EXD2: variants seen among roughly 807,000 people sequenced by gnomAD.
The protein encoded by EXD2 is exonuclease 3'-5' domain containing 2, also known as exonuclease 3'-5' domain-containing protein 2.
Under a neutral mutation model 62.5 loss-of-function variants are expected in EXD2, and 40 were observed. The ratio of observed to expected loss-of-function variants is 0.64; its 90% CI spans 0.50 to 0.83. EXD2 has a LOEUF of 0.83. EXD2 is among the 40% of genes least tolerant of loss of function. The pLI is 0.00. For synonymous variants in EXD2, 239 were observed against 291.9 expected, an observed-to-expected ratio of 0.82 and a Z score of 1.85; for missense variants, 671 against 761.8, an observed-to-expected ratio of 0.88 and a Z score of 1.40.
chr14:69,237,957 G>A, intron 9 of EXD2, 26 bp downstream of exon 9: 4 of 1,522,524 alleles, frequency 2.6e-6, no homozygotes, highest in Non-Finnish European at 3.5e-6. Flanking sequence ...ATTGTGGAAT[G>A]TACCAGGGAC....
chr14:69,228,687 C>T, intron 3 of EXD2, 129 bp from the exon 4 acceptor site: 1 of 1,265,968 alleles, frequency 7.9e-7, no homozygotes, highest in Non-Finnish European at 1.1e-6. Context: ...TAGATGCAAA[C>T]CAAAACCTGG....
rs150618478 is a variant in EXD2 at position 69,226,386 on chromosome 14, T to C, written c.334-2430T>C. Among the ~76,000 whole-genome samples, 111 of 152,328 alleles carry C rather than the reference T, an allele frequency of 7.3e-4. 2 individuals carry two copies. In the East Asian group the frequency reaches 0.019, roughly 26 times the overall value. On this transcript the variant is annotated intron_variant, in intron 3 of 9. Transcript: ENST00000685843. ...AAAATAGCTCTCACTGATAAAGCAG[T>C]GCCTAAGAAGGAAGCGTAAGTCTTT... is the stretch of plus-strand genomic sequence containing the variant.
intron 1 of EXD2, among the ~76,000 whole-genome samples, chr14:69,195,803 A>G (rs2042185731): frequency 6.6e-6 from 1 of 152,178 alleles, no homozygotes. Context: ...TTAACTTAGG[A>G]TAATGTACTG....
chr14:69,208,236 A>G, intron 2 of EXD2, among the ~76,000 whole-genome samples: 1 of 95,770 alleles, frequency 1.0e-5, no homozygotes, highest in Non-Finnish European at 1.9e-5. Flanking sequence ...TTTGAGACGG[A>G]GTCTCACTCT....
rs1223282225 is a variant in EXD2, at chr14:69,243,103, CA to C, written c.*2005del. 1 of 152,222 alleles carries C rather than the reference CA, an allele frequency of 6.6e-6. No individual in the cohort carries two copies. The highest frequency in any genetic ancestry group is 6.5e-5 in the Admixed American group (1 of 15,280). 9.4% of individuals were successfully genotyped at this position (152,222 alleles called of 1,614,324 possible). On this transcript the variant is annotated 3_prime_UTR_variant, in exon 10 of 10. Transcript: ENST00000685843. ...GAGGAAAAAGCCAGACTGCGTCACA[CA>C]AGATTTCTCATCCTTTTCAGGAGAG...
intron 1 of EXD2, among the ~76,000 whole-genome samples, chr14:69,200,902 C>T (rs905170856): frequency 2.6e-4 from 39 of 151,836 alleles, no homozygotes; most frequent in African/African-American, 8.9e-4. Flanking sequence ...GGTAAAACCC[C>T]GTGTCTACTA....
At chr14:69,203,475 G>A (rs2042477150) in intron 1 of EXD2, among the ~76,000 whole-genome samples, 1 of 152,194 alleles carries the variant, frequency 6.6e-6, no homozygotes, top group African/African-American at 2.4e-5. Flanking sequence ...TATAAACCAG[G>A]TCACAGGAAG....
intron 9 of EXD2, among the ~76,000 whole-genome samples, chr14:69,238,923 T>A (rs963130104): frequency 6.6e-6 from 1 of 152,192 alleles, no homozygotes; most frequent in African/African-American, 2.4e-5. Flanking sequence ...CCACTGTGCC[T>A]GGCCCCAAAT....
At chr14:69,212,699 A>ATTTTCTT (rs747694470) in intron 3 of EXD2, among the ~76,000 whole-genome samples, 33 of 57,316 alleles carry the variant, frequency 5.8e-4, no homozygotes, top group Non-Finnish European at 9.0e-4. Context: ...ATGGTTCTTG[A>ATTTTCTT]TTTTTTTTTT....
intron 5 of EXD2, among the ~76,000 whole-genome samples, chr14:69,231,979 A>G (rs536374512): frequency 3.3e-5 from 5 of 151,342 alleles, no homozygotes; most frequent in African/African-American, 1.2e-4. Flanking sequence ...GTTTCTCCAC[A>G]GATGAATCTT....
intron 1 of EXD2, among the ~76,000 whole-genome samples, chr14:69,200,641 G>A (rs141563787): frequency 6.6e-6 from 1 of 151,964 alleles, no homozygotes; most frequent in African/African-American, 2.4e-5. Context: ...CTCAGGAGGT[G>A]GAGGTTGCAG....
In EXD2 at chr14:69,241,512, G is replaced by C. The variant is rs1039767956; in HGVS notation, c.*412G>C. 3.9e-6 allele frequency: 1 copy of C among 253,454 alleles called. No homozygotes were observed. Among genetic ancestry groups the C allele is most frequent in the African/African-American group, 2.2e-5 (1 of 45,026 alleles). The allele number at this position is 253,454 out of a possible 1,614,324, so 15.7% of individuals were successfully genotyped here. On this transcript the variant is annotated 3_prime_UTR_variant, in exon 10 of 10. Coordinates refer to ENST00000685843, the MANE Select transcript of EXD2 (RefSeq NM_001193360.2). ...AGGGGCTGTCCAGTATATCGGTCCT[G>C]TTAGGAGGGGAGAAAAAGTTCTTCC...
chr14:69,231,789 A>G (rs914897191), intron 5 of EXD2, among the ~76,000 whole-genome samples: 2 of 150,442 alleles, frequency 1.3e-5, no homozygotes, highest in African/African-American at 2.4e-5. Context: ...TCAGCCTGGA[A>G]TTCCCTTCAC....
intron 1 of EXD2, among the ~76,000 whole-genome samples, chr14:69,195,500 A>C (rs1326966088): frequency 6.6e-6 from 1 of 152,184 alleles, no homozygotes; most frequent in Non-Finnish European, 1.5e-5. Flanking sequence ...CGCAGCTCCA[A>C]ATCATTTTTT....
intron 3 of EXD2, among the ~76,000 whole-genome samples, chr14:69,212,712 T>C (rs1464736491): frequency 1.4e-5 from 2 of 143,956 alleles, no homozygotes; most frequent in African/African-American, 5.2e-5. Flanking sequence ...TTTTTTTTTT[T>C]TTTTTTTTTT....
Position 69,228,892 on chromosome 14 carries a change from G to T in EXD2, c.410G>T (p.Arg137Leu). The change falls in exon 4 of 10, where the codon CGC becomes CTC. Residue 137 changes from arginine to leucine, a missense_variant. Arg to Leu is a moderately radical substitution (Grantham distance 102). Coordinates refer to ENST00000685843, the MANE Select transcript of EXD2 (RefSeq NM_001193360.2). ...CCAAGTGGCCTGTGTGTCTTGGTTC[G>T]CCTGCCCAAGCTAATCTGTGGAGGA... Reference protein sequence around the residue: ...ASPSGLCVLVRLPKLICGGKT... With the variant: ...ASPSGLCVLVLLPKLICGGKT... The T allele has an allele frequency of 6.2e-7, 1 of 1,614,112 alleles. No homozygotes were observed. Among genetic ancestry groups the T allele is most frequent in the Non-Finnish European group, 8.5e-7 (1 of 1,180,030 alleles).
rs2043987101 is a variant in EXD2 at position 69,241,681 on chromosome 14, T to A, written c.*581T>A. 5.1e-6 allele frequency: 2 copies of A among 395,590 alleles called. No homozygotes were observed. The highest frequency in any genetic ancestry group is 7.2e-5 in the East Asian group (2 of 27,846). 24.5% of individuals were successfully genotyped at this position (395,590 alleles called of 1,614,324 possible). A position where few individuals can be genotyped will look rare whatever the true frequency, so the allele number is the denominator to read the frequency against. ...GTCACTTCAGTCTACTTCACGTACT[T>A]GAAAAGGCTTTCCTTTACACTTCCA... is the stretch of plus-strand genomic sequence containing the variant. On this transcript the variant is annotated 3_prime_UTR_variant, in exon 10 of 10. Coordinates refer to ENST00000685843, the MANE Select transcript of EXD2 (RefSeq NM_001193360.2).
intron 3 of EXD2, chr14:69,214,209 ATCTTC>A (rs752422893): frequency 3.9e-5 from 6 of 152,174 alleles, no homozygotes; most frequent in Non-Finnish European, 7.4e-5. Context: ...TCTTCTTAAG[ATCTTC>A]TCTTTGAGTT....
chr14:69,211,786 CAACTA>C (rs373950797), intron 3 of EXD2, among the ~76,000 whole-genome samples: 2 of 152,058 alleles, frequency 1.3e-5, no homozygotes, highest in African/African-American at 4.8e-5. Context: ...TGGATTATTC[CAACTA>C]AACGAAGGAT....
Sources: allele counts gnomAD v4.1 joint callset (sites outside exome capture counted in the v4.1 genomes callset), GRCh38; gene constraint gnomAD v4.1.1; transcripts MANE v1.5; gene names NCBI Gene and HGNC (gene_info 2026-07-23, HGNC 2026-07-21).